The following LRIF1 variants were observed in gnomAD, a reference collection of about 807,000 sequenced individuals.
LRIF1 encodes the protein ligand-dependent nuclear receptor-interacting factor 1.
A neutral mutation model predicts 52.7 loss-of-function variants in LRIF1; 32 were observed. The ratio of observed to expected loss-of-function variants is 0.61; its 90% confidence interval spans 0.46 to 0.82. LRIF1 has a LOEUF of 0.82. Ranked by LOEUF, LRIF1 falls within the 40% of genes least tolerant of loss-of-function variation. The pLI, the probability that LRIF1 is intolerant of heterozygous loss-of-function variation, is 0.00. For missense variants in LRIF1, 887 were observed against 892.0 expected, an observed-to-expected ratio of 0.99 and a Z score of 0.07; for synonymous variants, 323 against 317.4, an observed-to-expected ratio of 1.02 and a Z score of -0.19.
the LRIF1 span, among the ~76,000 whole-genome samples, chr1:110,895,637 A>T: frequency 6.6e-6 from 1 of 152,244 alleles, no homozygotes; most frequent in African/African-American, 2.4e-5. Context: ...CACAGGAATT[A>T]GAGCCTGGAG....
chr1:110,962,706 C>G, intron 1 of LRIF1, among the ~76,000 whole-genome samples: 1 of 152,152 alleles, frequency 6.6e-6, no homozygotes, highest in East Asian at 1.9e-4. Context: ...TGCTAACTAG[C>G]AAAGTTGAGA....
chr1:110,882,836 A>G, the LRIF1 span, among the ~76,000 whole-genome samples: 2 of 152,042 alleles, frequency 1.3e-5, no homozygotes, highest in African/African-American at 4.8e-5. Flanking sequence ...TGTAAATGAT[A>G]CTTTTAAAAA....
intron 1 of LRIF1, among the ~76,000 whole-genome samples, chr1:110,957,701 T>C (rs1256827477): frequency 6.6e-6 from 1 of 152,194 alleles, no homozygotes; most frequent in African/African-American, 2.4e-5. Context: ...TATCCTACCA[T>C]TCAATCATAT....
chr1:110,931,898 T>C, the LRIF1 span, among the ~76,000 whole-genome samples: 1 of 152,178 alleles, frequency 6.6e-6, no homozygotes, highest in African/African-American at 2.4e-5. Flanking sequence ...CTTTATCAGA[T>C]GGGTAGATTG....
the LRIF1 span, chr1:110,899,969 A>T: frequency 6.6e-6 from 1 of 152,630 alleles, no homozygotes; most frequent in African/African-American, 2.4e-5. Context: ...ACCCAGCCTG[A>T]TTACCCTGAT....
At chr1:110,962,727 G>A (rs1207993560) in intron 1 of LRIF1, among the ~76,000 whole-genome samples, 1 of 152,112 alleles carries the variant, frequency 6.6e-6, no homozygotes, top group Non-Finnish European at 1.5e-5. Context: ...TTAACCCCAG[G>A]TAGCTTGATT....
the LRIF1 span, among the ~76,000 whole-genome samples, chr1:110,881,170 G>T: frequency 2.0e-5 from 3 of 152,086 alleles, no homozygotes; most frequent in Non-Finnish European, 2.9e-5. Flanking sequence ...AACACTGAGC[G>T]TATGCATCAC....
At chr1:110,936,802 T>C in the LRIF1 span, 1 of 151,982 alleles carries the variant, frequency 6.6e-6, no homozygotes, top group African/African-American at 2.4e-5. Context: ...GCTGAGTGGA[T>C]GAAAAAACAA....
At chr1:110,897,675 GA>G in the LRIF1 span, 2 of 514,334 alleles carry the variant, frequency 3.9e-6, no homozygotes, top group Non-Finnish European at 7.0e-6. Flanking sequence ...TTCACGCAAA[GA>G]AAATAAAAAT....
At chr1:110,880,014 C>T in the LRIF1 span, among the ~76,000 whole-genome samples, 1 of 152,182 alleles carries the variant, frequency 6.6e-6, no homozygotes, top group Non-Finnish European at 1.5e-5. Flanking sequence ...AGCTCAAGCC[C>T]ATTGGAGGAA....
At position 110,963,767 on chromosome 1, in the gene LRIF1, G is replaced by C. The variant is rs1659067034; in HGVS notation, c.-79C>G. The C allele has an allele frequency of 1.7e-6, 2 of 1,184,044 alleles. No individual in the cohort carries two copies. The highest frequency in any genetic ancestry group is 2.6e-5 in the East Asian group (1 of 38,996). 73.3% of individuals were successfully genotyped at this position (1,184,044 alleles called of 1,614,324 possible). A position where few individuals can be genotyped will look rare whatever the true frequency, so the allele number is the denominator to read the frequency against. ...GAGTTTCCCAATGGGGCGAGAACCA[G>C]AGCGAGGGAATGTTGGGCTGGAGTT... On this transcript the variant is annotated 5_prime_UTR_variant, in exon 1 of 4. Coordinates refer to ENST00000369763, the MANE Select transcript of LRIF1 (RefSeq NM_018372.4).
chr1:110,939,426 A>T, the LRIF1 span: 1 of 151,502 alleles, frequency 6.6e-6, no homozygotes, highest in Non-Finnish European at 1.5e-5. Context: ...CAATCTATAG[A>T]TTCAATGCAA....
the LRIF1 span, among the ~76,000 whole-genome samples, chr1:110,876,578 G>T: frequency 6.6e-6 from 1 of 152,044 alleles, no homozygotes; most frequent in Admixed American, 6.6e-5. Flanking sequence ...ACTTGTTAAA[G>T]TTTACTTGTT....
rs59351644 is a variant in LRIF1 at position 110,962,061 on chromosome 1, TACACAC to T, written c.68+1554_68+1559del. ...AGAAACTGGATAACAGAGTTAAGGG[TACACAC>T]ACACACACACACACACACACACACA... On this transcript the variant is annotated intron_variant, in intron 1 of 3. Coordinates refer to ENST00000369763, the MANE Select transcript of LRIF1 (RefSeq NM_018372.4). 1.8e-3 allele frequency among the ~76,000 whole-genome samples: 252 copies of T among 143,888 alleles called. 2 individuals are homozygous for T. The highest frequency in any genetic ancestry group is 7.0e-3 in the Middle Eastern group (2 of 284). The allele number at this position is 143,888 out of a possible 152,430, so 94.4% of individuals were successfully genotyped here.
chr1:110,946,811 T>C (rs1332476256), downstream of LRIF1, among the ~76,000 whole-genome samples: 2 of 151,878 alleles, frequency 1.3e-5, no homozygotes, highest in Non-Finnish European at 2.9e-5. Context: ...TGCCCGCCAC[T>C]GTGCCCGACT....
At chr1:110,944,896 G>GTTTTTTTTT (rs59306126), downstream of LRIF1, 1 of 138,736 alleles carries the variant, frequency 7.2e-6, no homozygotes, top group Non-Finnish European at 1.6e-5. Flanking sequence ...CAAGGTTGCT[G>GTTTTTTTTT]TTTTTTTTTT....
the LRIF1 span, among the ~76,000 whole-genome samples, chr1:110,889,959 G>A: frequency 6.6e-6 from 1 of 152,134 alleles, no homozygotes. Context: ...AGAGCACAAA[G>A]TAAAGGAAAA....
At chr1:110,930,510 G>A in the LRIF1 span, among the ~76,000 whole-genome samples, 19 of 152,050 alleles carry the variant, frequency 1.2e-4, no homozygotes, top group Non-Finnish European at 2.5e-4. Flanking sequence ...GGCATGGAGC[G>A]GTGGGGAATT....
the LRIF1 span, among the ~76,000 whole-genome samples, chr1:110,920,548 G>C: frequency 6.6e-6 from 1 of 152,126 alleles, no homozygotes; most frequent in South Asian, 2.1e-4. Flanking sequence ...GAAATAAATA[G>C]GCAGAGCACA....
Sources: gnomAD v4.1 joint callset for allele counts (sites outside exome capture counted in the v4.1 genomes callset) on GRCh38, gnomAD v4.1.1 for gene constraint, MANE v1.5 for transcripts, NCBI Gene and HGNC (gene_info 2026-07-23, HGNC 2026-07-21) for gene names.